NTRK3: variants seen among roughly 807,000 people sequenced by gnomAD.
NTRK3 encodes the protein NT-3 growth factor receptor.
NTRK3 carries 24 observed loss-of-function variants against 91.7 expected under a neutral mutation model. The ratio of observed to expected loss-of-function variants is 0.26; its 90% CI spans 0.19 to 0.37. The LOEUF (loss-of-function observed/expected upper bound fraction) is 0.37, where lower values mean the gene tolerates loss of function less well. Ranked by LOEUF, NTRK3 falls within the 10% of genes least tolerant of loss-of-function variation. The pLI, the probability that NTRK3 is intolerant of heterozygous loss-of-function variation, is 1.00. For missense variants in NTRK3, 880 were observed against 1,068.9 expected, an observed-to-expected ratio of 0.82 and a Z score of 2.46; for synonymous variants, 483 against 404.0, an observed-to-expected ratio of 1.20 and a Z score of -2.34.
At chr15:87,933,329 T>C (rs986219965) in intron 15 of NTRK3, 145 bp from the exon 16 acceptor site, 1 of 798,656 alleles carries the variant, frequency 1.3e-6, no homozygotes, top group African/African-American at 1.7e-5. Context: ...TGAAGCTCAA[T>C]CTCAACTATA....
chr15:88,107,461 G>C (rs1488965403), intron 13 of NTRK3, among the ~76,000 whole-genome samples: 1 of 152,120 alleles, frequency 6.6e-6, no homozygotes, highest in Non-Finnish European at 1.5e-5. Context: ...AATCTATGAA[G>C]TGCAAAATAA....
chr15:88,076,954 G>A (rs1261948993), intron 13 of NTRK3, among the ~76,000 whole-genome samples: 2 of 152,072 alleles, frequency 1.3e-5, no homozygotes, highest in African/African-American at 2.4e-5. Flanking sequence ...AATTAGCCGG[G>A]TGCAGTGCCA....
chr15:88,026,300 A>C (rs2078033431), intron 14 of NTRK3, among the ~76,000 whole-genome samples: 1 of 152,124 alleles, frequency 6.6e-6, no homozygotes, highest in African/African-American at 2.4e-5. Context: ...ATAAAATAAA[A>C]AATAAAAAAA....
intron 13 of NTRK3, among the ~76,000 whole-genome samples, chr15:88,125,646 G>GGGTTACCTTGAAACC (rs951175332): frequency 6.6e-6 from 1 of 152,082 alleles, no homozygotes; most frequent in Admixed American, 6.5e-5. Context: ...CCCCTTTCAT[G>GGGTTACCTTGAAACC]CCAGTCCCCT....
intron 14 of NTRK3, among the ~76,000 whole-genome samples, chr15:87,990,978 A>G (rs1487798074): frequency 2.6e-5 from 4 of 152,114 alleles, no homozygotes; most frequent in Non-Finnish European, 5.9e-5. Context: ...CATTCCCATA[A>G]TCCAAGTTCT....
exon 19 of NTRK3, chr15:87,861,935 C>G (rs776563225): frequency 4.6e-6 from 1 of 216,064 alleles, no homozygotes; most frequent in Non-Finnish European, 9.3e-6. Context: ...TTAGCAGTCA[C>G]TTTGCAGCTC....
intron 17 of NTRK3, among the ~76,000 whole-genome samples, chr15:87,891,770 T>C (rs558639368): frequency 6.6e-6 from 1 of 152,252 alleles, no homozygotes; most frequent in East Asian, 1.9e-4. Context: ...AGTCTTTTGT[T>C]ATTGTCCATG....
intron 5 of NTRK3, among the ~76,000 whole-genome samples, chr15:88,148,773 T>G (rs1191006973): frequency 1.1e-4 from 16 of 152,102 alleles, no homozygotes; most frequent in Admixed American, 1.0e-3. Context: ...AGACTGGAAG[T>G]TGGCAGGCCA....
chr15:87,977,211 G>T (rs959146862), intron 14 of NTRK3, among the ~76,000 whole-genome samples: 1 of 152,176 alleles, frequency 6.6e-6, no homozygotes, highest in African/African-American at 2.4e-5. Flanking sequence ...GCAACCAATG[G>T]AACAGATTGT....
chr15:88,198,145 G>C (rs2047989916), intron 3 of NTRK3, among the ~76,000 whole-genome samples: 1 of 152,184 alleles, frequency 6.6e-6, no homozygotes, highest in Non-Finnish European at 1.5e-5. Flanking sequence ...AGGAATTGAG[G>C]TCAGGACTGG....
chr15:88,048,727 G>A (rs948626000), intron 13 of NTRK3, among the ~76,000 whole-genome samples: 1 of 152,186 alleles, frequency 6.6e-6, no homozygotes, highest in African/African-American at 2.4e-5. Flanking sequence ...CCTTTGCAGA[G>A]TCAGGGGAAG....
intron 10 of NTRK3, among the ~76,000 whole-genome samples, chr15:88,133,021 G>T (rs1177279094): frequency 6.6e-6 from 1 of 152,050 alleles, no homozygotes; most frequent in African/African-American, 2.4e-5. Context: ...GTCACCTGGG[G>T]GCTTGTTAAA....
chr15:87,915,865 G>A (rs1452503729), intron 17 of NTRK3, among the ~76,000 whole-genome samples: 1 of 152,040 alleles, frequency 6.6e-6, no homozygotes, highest in African/African-American at 2.4e-5. Flanking sequence ...GTGAATTTAA[G>A]TAAATTTCCT....
chr15:88,120,774 C>T (rs575086455), intron 13 of NTRK3, among the ~76,000 whole-genome samples: 2 of 152,040 alleles, frequency 1.3e-5, no homozygotes, highest in South Asian at 4.2e-4. Flanking sequence ...ATTCATAATC[C>T]AGCTTCATTT....
chr15:88,126,435 T>C (rs2053290780), intron 12 of NTRK3, 62 bp from the exon 13 acceptor site: 2 of 1,122,008 alleles, frequency 1.8e-6, no homozygotes, highest in Non-Finnish European at 1.4e-6. Context: ...TCCTTGAAAA[T>C]AATGTGTGTG....
intron 10 of NTRK3, among the ~76,000 whole-genome samples, chr15:88,132,585 A>G (rs550035350): frequency 6.6e-6 from 1 of 152,174 alleles, no homozygotes; most frequent in Admixed American, 6.5e-5. Flanking sequence ...CCTGGAAGCA[A>G]AAGAGAAACA....
intron 5 of NTRK3, among the ~76,000 whole-genome samples, chr15:88,170,905 G>A (rs2045449979): frequency 6.6e-6 from 1 of 152,180 alleles, no homozygotes; most frequent in African/African-American, 2.4e-5. Flanking sequence ...CTATCACAGA[G>A]ACAGACAGGT....
intron 14 of NTRK3, among the ~76,000 whole-genome samples, chr15:88,007,938 G>A (rs1216247678): frequency 6.6e-6 from 1 of 152,122 alleles, no homozygotes; most frequent in Non-Finnish European, 1.5e-5. Flanking sequence ...CTTTATGACT[G>A]TAGCTTCCTA....
At chr15:88,137,478 T>C (rs2041988551) in exon 7 of NTRK3, 5 of 1,614,216 alleles carry the variant, frequency 3.1e-6, no homozygotes, top group Non-Finnish European at 4.2e-6. Flanking sequence ...GTTCTGGCTG[T>C]TGAGCTTGGC....
Sources: gnomAD v4.1 joint callset for allele counts (sites outside exome capture counted in the v4.1 genomes callset) on GRCh38, gnomAD v4.1.1 for gene constraint, MANE v1.5 for transcripts, NCBI Gene and HGNC (gene_info 2026-07-23, HGNC 2026-07-21) for gene names.